Variants in PDZD2 observed in about 807,000 individuals in gnomAD.
PDZD2 encodes the protein PDZ domain-containing protein 2.
In PDZD2, 90 loss-of-function variants were observed where a neutral mutation model predicts 220.7. The observed-to-expected ratio is 0.41, with a 90% CI of 0.34 to 0.49. The LOEUF is 0.49. Ranked by LOEUF, PDZD2 falls within the 20% of genes least tolerant of loss-of-function variation. The pLI, the probability that PDZD2 is intolerant of heterozygous loss-of-function variation, is 0.28. For missense variants in PDZD2, 3,174 were observed against 3,608.5 expected, an observed-to-expected ratio of 0.88 and a Z score of 3.08; for synonymous variants, 1,375 against 1,450.5, an observed-to-expected ratio of 0.95 and a Z score of 1.18.
At chr5:31,767,799 T>G (rs1254524042) in intron 1 of PDZD2, among the ~76,000 whole-genome samples, 3 of 152,240 alleles carry the variant, frequency 2.0e-5, no homozygotes, top group Non-Finnish European at 2.9e-5. Flanking sequence ...GGCCTGTCCC[T>G]AGTCTCTCCT....
chr5:32,088,450 C>T lies in PDZD2; in HGVS notation c.5002C>T (p.Leu1668Phe). Residue 1668 changes from leucine (L) to phenylalanine (F), a missense_variant, in exon 20 of 25, where the codon CTC (leucine) becomes TTC (phenylalanine). Physicochemically the swap from Leu to Phe is conservative, Grantham distance 22. Coordinates refer to ENST00000438447, the MANE Select transcript of PDZD2 (RefSeq NM_178140.4). The surrounding 1 kb of genome is among the most constrained non-coding windows in gnomAD (Gnocchi z 4.6). ...SGPDSSQPSS[L>F]LEMSSQEHET... ...CCCAGACTCTTCCCAGCCATCATCA[C>T]TCTTGGAGATGAGCTCTCAGGAGCA... 6.2e-7 allele frequency: 1 copy of T among 1,614,110 alleles called. No individual in the cohort carries two copies. Among genetic ancestry groups the T allele is most frequent in the Non-Finnish European group, 8.5e-7 (1 of 1,179,998 alleles).
rs746096009 is a variant in PDZD2 at position 32,088,169 on chromosome 5, G to A, written c.4721G>A (p.Arg1574Lys). 3 of 1,614,046 alleles carry A rather than the reference G, an allele frequency of 1.9e-6. No individual in the cohort carries two copies. The African/African-American group carries it at 4.0e-5, about 22-fold the overall frequency. Residue 1574 changes from arginine to lysine, a missense_variant, in exon 20 of 25, where the codon AGG becomes AAG. Transcript: ENST00000438447. This position sits in a 1 kb window ranked among gnomAD's most constrained non-coding sequence, Gnocchi z 4.6. The stretch of plus-strand genomic sequence containing the variant: ...ACTGAAGCCCCACGAGCTTCTGCCA[G>A]GGACGGCTGGTCCCCTCCTCGTTCC... ...SLTEAPRASA[R>K]DGWSPPRSRV...
chr5:31,854,777 T>C (rs527904425), intron 2 of PDZD2, among the ~76,000 whole-genome samples: 2 of 152,176 alleles, frequency 1.3e-5, no homozygotes, highest in Non-Finnish European at 1.5e-5. Context: ...GGTTTCCTTT[T>C]CCCGGCGAGG....
At chr5:31,859,999 A>G (rs977177176) in intron 2 of PDZD2, among the ~76,000 whole-genome samples, 1 of 152,154 alleles carries the variant, frequency 6.6e-6, no homozygotes, top group Admixed American at 6.5e-5. Context: ...TGGTGGTTTC[A>G]TTGGAGGATT....
intron 2 of PDZD2, among the ~76,000 whole-genome samples, chr5:31,871,400 T>C (rs1162282299): frequency 6.6e-6 from 1 of 152,188 alleles, no homozygotes; most frequent in Non-Finnish European, 1.5e-5. Flanking sequence ...ATTTTAATAA[T>C]ATATATTGTC....
intron 7 of PDZD2, among the ~76,000 whole-genome samples, chr5:32,037,948 T>C (rs1169538152): frequency 5.9e-5 from 9 of 151,452 alleles, no homozygotes; most frequent in Admixed American, 2.6e-4. Context: ...TTCAAGCAAT[T>C]CTCCTGCCTC....
rs964270646 is a variant in PDZD2, at chr5:32,108,664, A to G, written c.*529A>G. ...CTGTATATGTTACCCTGAAAAGAGA[A>G]TAAGACTTACTTAAAAAAATGAATT... is the stretch of plus-strand genomic sequence containing the variant. On this transcript the variant is annotated 3_prime_UTR_variant, in exon 25 of 25. Coordinates refer to ENST00000438447, the MANE Select transcript of PDZD2 (RefSeq NM_178140.4). 1.3e-5 allele frequency: 2 copies of G among 152,664 alleles called. No individual in the cohort carries two copies. The highest frequency in any genetic ancestry group is 2.1e-4 in the South Asian group (1 of 4,834). 9.5% of individuals were successfully genotyped at this position (152,664 alleles called of 1,614,324 possible).
intron 14 of PDZD2, among the ~76,000 whole-genome samples, chr5:32,068,160 A>G (rs2112373489): frequency 6.6e-6 from 1 of 152,244 alleles, no homozygotes; most frequent in Non-Finnish European, 1.5e-5. Flanking sequence ...AAAATGCGTA[A>G]TCTGAATCTA....
chr5:31,866,598 A>T (rs1738254091), intron 2 of PDZD2, among the ~76,000 whole-genome samples: 1 of 152,142 alleles, frequency 6.6e-6, no homozygotes, highest in African/African-American at 2.4e-5. Flanking sequence ...TTTTTTAAAA[A>T]AGAAGAGAAA....
intron 2 of PDZD2, among the ~76,000 whole-genome samples, chr5:31,808,989 A>AAT (rs1554077832): frequency 3.5e-4 from 52 of 150,500 alleles, no homozygotes; most frequent in Admixed American, 1.8e-3. Context: ...AAAAAAAAAA[A>AAT]AATAATAAAA....
chr5:31,965,811 A>G (rs1748691452), intron 2 of PDZD2, among the ~76,000 whole-genome samples: 1 of 152,148 alleles, frequency 6.6e-6, no homozygotes, highest in African/African-American at 2.4e-5. Context: ...AGACAGGAGA[A>G]TCACTTGAAC....
chr5:31,647,098 G>C (rs1745162326), intron 1 of PDZD2, among the ~76,000 whole-genome samples: 1 of 152,174 alleles, frequency 6.6e-6, no homozygotes, highest in African/African-American at 2.4e-5. Context: ...CGGCCCCTGA[G>C]CACACTTCCC....
intron 1 of PDZD2, among the ~76,000 whole-genome samples, chr5:31,694,744 C>CTT (rs34596550): frequency 0.57 from 81,693 of 143,476 alleles, 24,158 homozygotes; most frequent in African/African-American, 0.75. Flanking sequence ...CAATAAATGC[C>CTT]TTTTTTTTTT....
intron 24 of PDZD2, among the ~76,000 whole-genome samples, chr5:32,105,139 AAAACAATC>A (rs938359931): frequency 5.9e-5 from 9 of 151,518 alleles, no homozygotes; most frequent in African/African-American, 2.2e-4. Flanking sequence ...GTCTCAAAAA[AAAACAATC>A]AATCAATCAA....
At chr5:31,805,633 T>A (rs1161324450) in intron 2 of PDZD2, among the ~76,000 whole-genome samples, 1 of 152,210 alleles carries the variant, frequency 6.6e-6, no homozygotes, top group East Asian at 1.9e-4. Context: ...TTCTGCTCCC[T>A]GTCAGGAGTT....
At chr5:31,897,506 G>A (rs1027664080) in intron 2 of PDZD2, among the ~76,000 whole-genome samples, 4 of 152,140 alleles carry the variant, frequency 2.6e-5, no homozygotes, top group African/African-American at 9.7e-5. Flanking sequence ...ATCACTGGCC[G>A]AAGTTGCACT....
intron 1 of PDZD2, among the ~76,000 whole-genome samples, chr5:31,707,125 GGGGGACATCACTCACC>G (rs1296455649): frequency 7.0e-6 from 1 of 142,918 alleles, no homozygotes; most frequent in Non-Finnish European, 1.5e-5. Flanking sequence ...GACACAGGAA[GGGGGACATCACTCACC>G]GGGGCCTGTC....
chr5:31,933,355 C>T (rs1745467087), intron 2 of PDZD2, among the ~76,000 whole-genome samples: 1 of 152,120 alleles, frequency 6.6e-6, no homozygotes, highest in Admixed American at 6.5e-5. Context: ...AGATGGCTTC[C>T]ACCTTTTGGT....
intron 1 of PDZD2, among the ~76,000 whole-genome samples, chr5:31,708,888 T>G (rs1056539883): frequency 1.6e-4 from 24 of 151,956 alleles, no homozygotes; most frequent in African/African-American, 4.8e-4. Flanking sequence ...TTTGTTTTTT[T>G]TTTTTTTTTA....
Sources: gnomAD v4.1 joint callset for allele counts (sites outside exome capture counted in the v4.1 genomes callset) on GRCh38, gnomAD v4.1.1 for gene constraint, Gnocchi (gnomAD v3.1) non-coding constraint, MANE v1.5 for transcripts, NCBI Gene and HGNC (gene_info 2026-07-23, HGNC 2026-07-21) for gene names.